The following TTC8 variants were observed in gnomAD, a reference collection of about 807,000 sequenced individuals.
The protein encoded by TTC8 is tetratricopeptide repeat protein 8.
Under a neutral mutation model 72.5 loss-of-function variants are expected in TTC8, and 47 were observed. The observed-to-expected ratio is 0.65, with a 90% CI of 0.51 to 0.83. The LOEUF (loss-of-function observed/expected upper bound fraction) is 0.83, where lower values mean the gene tolerates loss of function less well. Among genes scored for constraint, TTC8 ranks in the 40% least tolerant of loss-of-function variants. The pLI is 0.00. For synonymous variants in TTC8, 199 were observed against 221.4 expected (o/e 0.90, Z 0.90); for missense variants, 611 against 623.2 (o/e 0.98, Z 0.21).
intron 3 of TTC8, among the ~76,000 whole-genome samples, chr14:88,839,870 C>G (rs2140974266): frequency 6.6e-6 from 1 of 152,214 alleles, no homozygotes; most frequent in East Asian, 1.9e-4. Context: ...TACCTACATT[C>G]AACTGCTGAT....
At chr14:88,867,612 G>A (rs1446531135) in intron 10 of TTC8, among the ~76,000 whole-genome samples, 1 of 152,118 alleles carries the variant, frequency 6.6e-6, no homozygotes, top group Non-Finnish European at 1.5e-5. Flanking sequence ...CATTTATTTA[G>A]TATAAGCACA....
rs1257221355 is a variant in TTC8, at chr14:88,853,011, A to G, written c.665A>G (p.Tyr222Cys). 4.3e-6 allele frequency: 7 copies of G among 1,613,636 alleles called. No homozygotes were observed. The highest frequency in any genetic ancestry group is 1.7e-5 in the Admixed American group (1 of 59,986). Residue 222 changes from tyrosine to cysteine, a missense_variant, in exon 8 of 15, where the codon TAC (tyrosine) becomes TGC (cysteine). Tyr to Cys is a radical substitution (Grantham distance 194). Transcript: ENST00000380656. ...LAALSTEHSQ[Y>C]KDWWWKVQIG... The stretch of plus-strand genomic sequence containing the variant: ...GCCCTCTCCACAGAACATTCTCAGT[A>G]CAAGGACTGGTGGTGGAAAGTACAG...
intron 1 of TTC8, chr14:88,831,074 G>A (rs1164703573): frequency 1.8e-5 from 6 of 341,448 alleles, no homozygotes; most frequent in African/African-American, 4.3e-5. Context: ...GTCACAACAC[G>A]GCTGACCAAA....
intron 10 of TTC8, among the ~76,000 whole-genome samples, chr14:88,863,177 A>C (rs1416801822): frequency 6.6e-6 from 1 of 152,124 alleles, no homozygotes; most frequent in East Asian, 1.9e-4. Context: ...TTTTGTAATT[A>C]TCTCCAGAAA....
downstream of TTC8, chr14:88,880,614 A>G (rs1017775095): frequency 6.6e-6 from 1 of 152,204 alleles, no homozygotes; most frequent in African/African-American, 2.4e-5. Context: ...AATCAGAAAG[A>G]GAGACCCTCT....
intron 10 of TTC8, among the ~76,000 whole-genome samples, chr14:88,868,828 ATGAC>A (rs1481365123): frequency 1.6e-4 from 25 of 152,228 alleles, no homozygotes; most frequent in Admixed American, 2.6e-4. Flanking sequence ...GCATAGCAGA[ATGAC>A]TGTCCATAGG....
chr14:88,861,450 G>T, intron 10 of TTC8, 118 bp downstream of exon 10: 1 of 712,094 alleles, frequency 1.4e-6, no homozygotes, highest in Non-Finnish European at 2.4e-6. Context: ...CAGGGTAATT[G>T]AGTTATCTAT....
chr14:88,850,731 C>T (rs74713799), intron 7 of TTC8, among the ~76,000 whole-genome samples: 5,068 of 152,212 alleles, frequency 0.033, 295 homozygotes, highest in African/African-American at 0.12. Context: ...TTCTTTAGTG[C>T]CAGTGAGGAC....
chr14:88,844,618 C>T (rs72697965), intron 7 of TTC8, among the ~76,000 whole-genome samples: 6,533 of 151,978 alleles, frequency 0.043, 197 homozygotes, highest in Middle Eastern at 0.078. Flanking sequence ...TATCACGGCT[C>T]ACTGTAGCCT....
chr14:88,872,450 CA>C lies in TTC8; in HGVS notation c.1346del (p.Gln449ArgfsTer12), dbSNP rs1468599473. 1 of 1,613,624 alleles carries C rather than the reference CA, an allele frequency of 6.2e-7. No homozygotes were observed. Among genetic ancestry groups the C allele is most frequent in the African/African-American group, 1.3e-5 (1 of 74,912 alleles). ...VLEMRKGHVE[Q>X]ARALLQTASS... ...GGAGATGCGGAAGGGCCACGTTGAACAGGTCAGTGAACTGGCAGCGGCATGC... is the reference window on the plus strand; with the variant it reads ...GGAGATGCGGAAGGGCCACGTTGAACGGTCAGTGAACTGGCAGCGGCATGC... On this transcript the variant is annotated frameshift_variant and splice_region_variant, in exon 13 of 15. Coordinates refer to ENST00000380656, the MANE Select transcript of TTC8 (RefSeq NM_144596.4). LOFTEE classifies it high-confidence loss of function.
In TTC8 at chr14:88,832,526, TC is replaced by T. The variant is rs2094730858; in HGVS notation, c.115-1164del. On this transcript the variant is annotated intron_variant, in intron 1 of 14. Coordinates refer to ENST00000380656, the MANE Select transcript of TTC8 (RefSeq NM_144596.4). ...GCACTGGCAAGAAGGAGCATTTGAT[TC>T]CCTCAACCGTTTGTGTGACCTTAAA... Among the ~76,000 whole-genome samples, 4 of 152,176 alleles carry T rather than the reference TC, an allele frequency of 2.6e-5. No individual in the cohort carries two copies. The South Asian group carries it at 8.3e-4, about 32-fold the overall frequency.
At chr14:88,873,274 C>G (rs1008552131) in intron 13 of TTC8, among the ~76,000 whole-genome samples, 1 of 152,138 alleles carries the variant, frequency 6.6e-6, no homozygotes, top group Non-Finnish European at 1.5e-5. Context: ...TCCTTTAGGG[C>G]CTTTGGAGTG....
chr14:88,833,586 T>C (rs969265984), intron 1 of TTC8, 107 bp from the exon 2 acceptor site: 112 of 943,012 alleles, frequency 1.2e-4, no homozygotes, highest in Middle Eastern at 2.4e-4. Flanking sequence ...TGGATTCTTA[T>C]TGAATGAGTT....
intron 2 of TTC8, among the ~76,000 whole-genome samples, chr14:88,835,500 G>T (rs2094746373): frequency 6.6e-6 from 1 of 152,074 alleles, no homozygotes; most frequent in Non-Finnish European, 1.5e-5. Flanking sequence ...CATTTGGTTT[G>T]GGAGAATCTG....
chr14:88,863,231 A>T (rs2141020448), intron 10 of TTC8, among the ~76,000 whole-genome samples: 1 of 152,216 alleles, frequency 6.6e-6, no homozygotes, highest in Middle Eastern at 3.4e-3. Context: ...AGATTCAGTG[A>T]TTTACTGGGA....
chr14:88,836,280 C>G (rs112492706), intron 2 of TTC8, among the ~76,000 whole-genome samples: 7,514 of 151,976 alleles, frequency 0.049, 501 homozygotes, highest in African/African-American at 0.14. Flanking sequence ...CACTTGAGAC[C>G]AGGAGTTCAA....
chr14:88,843,761 T>TAA (rs201515510), intron 6 of TTC8, 45 bp from the exon 7 acceptor site: 88 of 1,232,746 alleles, frequency 7.1e-5, no homozygotes, highest in East Asian at 5.7e-4. Flanking sequence ...AACAGCAAAT[T>TAA]AAAAAAAAAA....
At chr14:88,872,037 G>T (rs1041905307) in intron 12 of TTC8, among the ~76,000 whole-genome samples, 1 of 152,198 alleles carries the variant, frequency 6.6e-6, no homozygotes. Flanking sequence ...GGGTGACAAA[G>T]TGTGAGACCC....
intron 1 of TTC8, among the ~76,000 whole-genome samples, chr14:88,826,284 A>C (rs1320514788): frequency 6.6e-6 from 1 of 151,576 alleles, no homozygotes; most frequent in Non-Finnish European, 1.5e-5. Context: ...CACCGCGCCC[A>C]GCCCCCAAAT....
Sources: gnomAD v4.1 joint callset for allele counts (sites outside exome capture counted in the v4.1 genomes callset) on GRCh38, gnomAD v4.1.1 for gene constraint, MANE v1.5 for transcripts, NCBI Gene and HGNC (gene_info 2026-07-23, HGNC 2026-07-21) for gene names.